ADGRG3: variants seen among roughly 807,000 people sequenced by gnomAD.
ADGRG3 encodes the protein G protein-coupled receptor 97.
A neutral mutation model predicts 54.3 loss-of-function variants in ADGRG3; 39 were observed. That is an observed-to-expected ratio of 0.72 (90% CI 0.56 to 0.94). The LOEUF (loss-of-function observed/expected upper bound fraction) is 0.94. ADGRG3 is among the 40% of genes least tolerant of loss of function. ADGRG3 has a pLI of 0.00. For missense variants in ADGRG3, 654 were observed against 694.6 expected, an observed-to-expected ratio of 0.94 and a Z score of 0.66; for synonymous variants, 312 against 290.0, an observed-to-expected ratio of 1.08 and a Z score of -0.77.
chr16:57,676,318 T>G lies in ADGRG3; in HGVS notation c.325T>G (p.Phe109Val), dbSNP rs761840630. The change falls in exon 3 of 12, where the codon TTC (phenylalanine) becomes GTC (valine). Residue 109 changes from phenylalanine (F) to valine (V), a missense_variant. Transcript: ENST00000333493. ...CACCAACACTGCAGAAGACTTCTAT[T>G]TCTCTCTGGAGCCCTCTCAGGTGAA... ...LSTNTAEDFY[F>V]SLEPSQVPRQ... 6.2e-7 allele frequency: 1 copy of G among 1,614,204 alleles called. No homozygotes were observed. Among genetic ancestry groups the G allele is most frequent in the South Asian group, 1.1e-5 (1 of 91,082 alleles).
Position 57,668,450 on chromosome 16 carries a change from C to A in ADGRG3, c.58+45C>A, listed in dbSNP as rs778665026. The A allele has an allele frequency of 6.2e-4, 931 of 1,500,380 alleles. 2 individuals are homozygous for A. The highest frequency in any genetic ancestry group is 3.2e-3 in the Middle Eastern group (18 of 5,680). 92.9% of individuals were successfully genotyped at this position (1,500,380 alleles called of 1,614,324 possible). ...TCCCCTCCTGCCACGCTGGGCCGAC[C>A]CTGCCCTGCCGAGGGAGGGATCCAG... On this transcript the variant is annotated intron_variant, in intron 1 of 11. Coordinates refer to ENST00000333493, the MANE Select transcript of ADGRG3 (RefSeq NM_170776.5).
chr16:57,673,887 G>A (rs2048208284), intron 2 of ADGRG3, among the ~76,000 whole-genome samples: 4 of 152,168 alleles, frequency 2.6e-5, no homozygotes, highest in Admixed American at 2.6e-4. Flanking sequence ...TGAGGATACA[G>A]GCAACAGAAC....
At position 57,688,387 on chromosome 16, in the gene ADGRG3, C is replaced by T. The variant is rs2048515910; in HGVS notation, c.1576C>T (p.Leu526Phe). The change falls in exon 12 of 12, where the codon CTC (leucine) becomes TTC (phenylalanine). Residue 526 changes from leucine to phenylalanine, a missense_variant. Coordinates refer to ENST00000333493, the MANE Select transcript of ADGRG3 (RefSeq NM_170776.5). Reference protein sequence around the residue: ...FICCWFTILYLPSQSTTVSSS... With the variant: ...FICCWFTILYFPSQSTTVSSS... ...CTGCTGCTGGTTCACCATCCTTTAC[C>T]TCCCAAGTCAGAGCACCACAGTCTC... The T allele has an allele frequency of 6.2e-7, 1 of 1,613,554 alleles. No homozygotes were observed. Among genetic ancestry groups the T allele is most frequent in the East Asian group, 2.2e-5 (1 of 44,874 alleles).
At position 57,685,695 on chromosome 16, in the gene ADGRG3, G is replaced by A. The variant is rs148958069; in HGVS notation, c.1309G>A (p.Gly437Ser). Residue 437 changes from glycine (G) to serine (S), a missense_variant, in exon 11 of 12, where the codon GGC (glycine) becomes AGC (serine). Transcript: ENST00000333493. ...TMYALYITVH[G>S]YFLITFLFGM... ...GTACGCCCTCTATATCACCGTCCAC[G>A]GCTACTTCCTCATCACCTTCCTCTT... 20 of 1,614,048 alleles carry A rather than the reference G, an allele frequency of 1.2e-5. No homozygotes were observed. Among genetic ancestry groups the A allele is most frequent in the Admixed American group, 3.3e-5 (2 of 60,004 alleles).
intron 10 of ADGRG3, 53 bp downstream of exon 10, chr16:57,684,536 T>C (rs781512410): frequency 5.1e-4 from 684 of 1,346,444 alleles, no homozygotes; most frequent in Admixed American, 6.4e-4. Flanking sequence ...GCTACACATA[T>C]TGGGGCTGGA....
chr16:57,669,345 C>A (rs931126939), intron 1 of ADGRG3, among the ~76,000 whole-genome samples: 5 of 152,196 alleles, frequency 3.3e-5, no homozygotes, highest in African/African-American at 1.2e-4. Context: ...GTGAATCAGT[C>A]CCTGGCTCAA....
In ADGRG3 at chr16:57,686,049, G is replaced by A. The variant is rs1567862855; in HGVS notation, c.1540+123G>A. ...GTTCAGGCTAGCTGAAGTCAAGGAT[G>A]TTGATTTCAAATACTCAGAGCAAGG... On this transcript the variant is annotated intron_variant, in intron 11 of 11. Transcript: ENST00000333493. The A allele has an allele frequency of 4.0e-6, 4 of 1,008,074 alleles. No individual in the cohort carries two copies. The East Asian group carries it at 7.2e-5, about 18-fold the overall frequency. 62.4% of individuals were successfully genotyped at this position (1,008,074 alleles called of 1,614,324 possible). A position where few individuals can be genotyped will look rare whatever the true frequency, so the allele number is the denominator to read the frequency against.
chr16:57,678,900 T>C lies in ADGRG3; in HGVS notation c.493-277T>C, dbSNP rs890128883. The C allele has an allele frequency of 1.4e-5, 7 of 495,268 alleles. No homozygotes were observed. In the East Asian group the frequency reaches 2.5e-4, roughly 17 times the overall value. The allele number at this position is 495,268 out of a possible 1,614,324, so 30.7% of individuals were successfully genotyped here. On this transcript the variant is annotated intron_variant, in intron 4 of 11. Transcript: ENST00000333493. ...TGGCTGATCTTGGCCCCATGCCCCC[T>C]CTAGTTAAGAGGGCAGAGGAGCTCT... is the stretch of plus-strand genomic sequence containing the variant.
chr16:57,684,817 G>A (rs111766069), intron 10 of ADGRG3, among the ~76,000 whole-genome samples: 3 of 152,180 alleles, frequency 2.0e-5, no homozygotes, highest in Non-Finnish European at 2.9e-5. Context: ...TGCGGGGTGC[G>A]CAGCCTGGAG....
intron 1 of ADGRG3, among the ~76,000 whole-genome samples, chr16:57,669,362 G>A (rs576295003): frequency 3.1e-4 from 47 of 152,348 alleles, no homozygotes; most frequent in South Asian, 8.3e-4. Context: ...TCAAAAAAGG[G>A]TGGGAGATGA....
intron 11 of ADGRG3, among the ~76,000 whole-genome samples, chr16:57,687,104 G>A (rs531161284): frequency 1.3e-5 from 2 of 152,286 alleles, no homozygotes; most frequent in South Asian, 2.1e-4. Flanking sequence ...GGCTCCCAGC[G>A]CCCCATGAGA....
upstream of ADGRG3, among the ~76,000 whole-genome samples, chr16:57,667,178 C>G (rs866640156): frequency 2.6e-4 from 39 of 152,364 alleles, no homozygotes; most frequent in Middle Eastern, 6.8e-3. Context: ...GAGGGCTCAG[C>G]AGGAGACACT....
At position 57,685,882 on chromosome 16, in the gene ADGRG3, G is replaced by T; in HGVS notation, c.1496G>T (p.Gly499Val). Residue 499 changes from glycine (G) to valine (V), a missense_variant, in exon 11 of 12, where the codon GGC (glycine) becomes GTC (valine). Gly to Val is a moderately radical substitution (Grantham distance 109, BLOSUM62 -3). Coordinates refer to ENST00000333493, the MANE Select transcript of ADGRG3 (RefSeq NM_170776.5). Reference protein sequence around the residue: ...TWGLAIFTPLGLSTVYIFALF... With the variant: ...TWGLAIFTPLVLSTVYIFALF... Reference sequence around the variant, plus strand: ...GGGTTGGCCATCTTCACCCCGTTGGGCCTCTCCACCGTCTACATCTTTGCA... The same window carrying T: ...GGGTTGGCCATCTTCACCCCGTTGGTCCTCTCCACCGTCTACATCTTTGCA... 1.2e-6 allele frequency: 2 copies of T among 1,614,118 alleles called. No homozygotes were observed. Among genetic ancestry groups the T allele is most frequent in the Non-Finnish European group, 1.7e-6 (2 of 1,180,018 alleles).
At chr16:57,665,786 C>T (rs1466339985), upstream of ADGRG3, among the ~76,000 whole-genome samples, 4 of 152,190 alleles carry the variant, frequency 2.6e-5, no homozygotes, top group African/African-American at 9.7e-5. Flanking sequence ...CCTCCCCTGG[C>T]CACTCTAGGG....
chr16:57,680,653 C>A, intron 8 of ADGRG3, 36 bp downstream of exon 8: 4 of 1,450,842 alleles, frequency 2.8e-6, no homozygotes, highest in Non-Finnish European at 3.9e-6. Context: ...TGTCTCCCTC[C>A]CGCCCTCAAG....
At chr16:57,668,818 A>G (rs1261952184) in intron 1 of ADGRG3, among the ~76,000 whole-genome samples, 2 of 152,162 alleles carry the variant, frequency 1.3e-5, no homozygotes, top group South Asian at 4.1e-4. Context: ...TGAGGCCAGG[A>G]AGGTCTGTCA....
chr16:57,683,809 G>A (rs968351703), intron 8 of ADGRG3, 123 bp from the exon 9 acceptor site: 2 of 683,094 alleles, frequency 2.9e-6, no homozygotes, highest in South Asian at 3.0e-5. Context: ...AGCTGGATGA[G>A]CAGGCAGGAG....
At chr16:57,675,939 G>T (rs534895099) in intron 2 of ADGRG3, among the ~76,000 whole-genome samples, 56 of 152,244 alleles carry the variant, frequency 3.7e-4, no homozygotes, top group African/African-American at 1.3e-3. Flanking sequence ...ACTTTAAAAT[G>T]GTTAAAATGG....
At chr16:57,676,158 C>A in intron 2 of ADGRG3, 42 bp from the exon 3 acceptor site, 1 of 1,595,852 alleles carries the variant, frequency 6.3e-7, no homozygotes, top group East Asian at 2.2e-5. Flanking sequence ...AGTAACTCAG[C>A]CTGCAGGATC....
Sources: gnomAD v4.1 joint callset for allele counts (sites outside exome capture counted in the v4.1 genomes callset) on GRCh38, gnomAD v4.1.1 for gene constraint, MANE v1.5 for transcripts, NCBI Gene and HGNC (gene_info 2026-07-23, HGNC 2026-07-21) for gene names.